NRXN1: variants seen among roughly 807,000 people sequenced by gnomAD.
The protein encoded by NRXN1 is neurexin-1.
NRXN1 carries 39 observed loss-of-function variants against 150.9 expected under a neutral mutation model. That is an observed-to-expected ratio of 0.26 (90% CI 0.20 to 0.34). NRXN1 has a LOEUF of 0.34. Ranked by LOEUF, NRXN1 falls within the 10% of genes least tolerant of loss-of-function variation. The probability of loss-of-function intolerance (pLI) is 1.00; values close to 1 mark genes in which losing one functional copy is unlikely to be tolerated. For missense variants in NRXN1, 1,815 were observed against 1,949.9 expected (o/e 0.93, Z 1.30); for synonymous variants, 924 against 757.0 (o/e 1.22, Z -3.62).
At chr2:50,042,257 T>C (rs1247471594) in intron 21 of NRXN1, among the ~76,000 whole-genome samples, 2 of 152,190 alleles carry the variant, frequency 1.3e-5, no homozygotes, top group Admixed American at 6.5e-5. Flanking sequence ...TCTTGAATTG[T>C]AGTTCCCATA....
chr2:50,711,447 T>C (rs1695142605), intron 5 of NRXN1, among the ~76,000 whole-genome samples: 1 of 151,416 alleles, frequency 6.6e-6, no homozygotes, highest in African/African-American at 2.4e-5. Flanking sequence ...GTGATTCTCC[T>C]GTCTCAGCCT....
At chr2:50,443,695 C>T (rs1202997625) in intron 17 of NRXN1, among the ~76,000 whole-genome samples, 1 of 152,144 alleles carries the variant, frequency 6.6e-6, no homozygotes, top group East Asian at 1.9e-4. Flanking sequence ...ATGATCCATG[C>T]CACTGTTTGG....
chr2:49,952,992 G>A lies in NRXN1; in HGVS notation c.4129-9201C>T, dbSNP rs907247100. On this transcript the variant is annotated intron_variant, in intron 21 of 22. Transcript: ENST00000401669. ...CAGTCTTATTGACACAATGACCTTC[G>A]AAGTGAAGGTTCAAGATCAAAGATG... Among the ~76,000 whole-genome samples, 5 of 151,940 alleles carry A rather than the reference G, an allele frequency of 3.3e-5. No homozygotes were observed. The South Asian group carries it at 8.3e-4, about 25-fold the overall frequency.
intron 8 of NRXN1, among the ~76,000 whole-genome samples, chr2:50,558,242 A>G (rs2105374471): frequency 6.6e-6 from 1 of 152,314 alleles, no homozygotes; most frequent in South Asian, 2.1e-4. Context: ...CTTTATCAAT[A>G]AATATCTGGA....
At chr2:50,795,271 T>C (rs1706649750) in intron 5 of NRXN1, among the ~76,000 whole-genome samples, 2 of 152,158 alleles carry the variant, frequency 1.3e-5, no homozygotes, top group South Asian at 2.1e-4. Flanking sequence ...TCTCATGTGA[T>C]GCTGACGCTT....
intron 17 of NRXN1, among the ~76,000 whole-genome samples, chr2:50,334,444 C>T (rs1431797533): frequency 6.6e-6 from 1 of 151,962 alleles, no homozygotes; most frequent in Admixed American, 6.6e-5. Flanking sequence ...TACCACATAC[C>T]CATCTTTCAG....
At chr2:51,002,566 A>G (rs560667854) in intron 2 of NRXN1, among the ~76,000 whole-genome samples, 1 of 152,096 alleles carries the variant, frequency 6.6e-6, no homozygotes, top group African/African-American at 2.4e-5. Flanking sequence ...CTTAGTTATG[A>G]GTCTGAAAGT....
At chr2:50,101,872 T>C (rs957688942) in intron 18 of NRXN1, among the ~76,000 whole-genome samples, 2 of 151,972 alleles carry the variant, frequency 1.3e-5, no homozygotes, top group African/African-American at 4.8e-5. Context: ...TATGTTAGTT[T>C]TCACAAGCCT....
chr2:50,613,662 G>A (rs1678552550), intron 8 of NRXN1, among the ~76,000 whole-genome samples: 2 of 152,190 alleles, frequency 1.3e-5, no homozygotes, highest in South Asian at 4.1e-4. Context: ...ATACAGGCCA[G>A]GTGTGGTGGC....
In NRXN1 at chr2:50,729,858, G is replaced by C. The variant is rs142928006; in HGVS notation, c.833-106243C>G. On this transcript the variant is annotated intron_variant, in intron 5 of 22. Transcript: ENST00000401669. ...TTCGAAAGCGAGGCTCAAAATTTCTGTTGTTCTCTGAGGCTGTGGATCCCT... is the reference window on the plus strand; with the variant it reads ...TTCGAAAGCGAGGCTCAAAATTTCTCTTGTTCTCTGAGGCTGTGGATCCCT... 3.3e-3 allele frequency among the ~76,000 whole-genome samples: 508 copies of C among 152,262 alleles called. 4 individuals carry two copies. Among genetic ancestry groups the C allele is most frequent in the Admixed American group, 5.5e-3 (84 of 15,298 alleles).
At chr2:50,047,051 T>C (rs965002225) in intron 21 of NRXN1, among the ~76,000 whole-genome samples, 1 of 152,160 alleles carries the variant, frequency 6.6e-6, no homozygotes, top group Non-Finnish European at 1.5e-5. Context: ...AAGGGAACAA[T>C]ATGACTGTAT....
intron 18 of NRXN1, among the ~76,000 whole-genome samples, chr2:50,234,154 A>G (rs1487605693): frequency 2.0e-5 from 3 of 152,088 alleles, no homozygotes; most frequent in African/African-American, 7.2e-5. Context: ...CTTAGGTAGT[A>G]AAAAGAAAAC....
chr2:50,204,392 TAGAGGA>T (rs1416898555), intron 18 of NRXN1, among the ~76,000 whole-genome samples: 10 of 150,540 alleles, frequency 6.6e-5, no homozygotes, highest in African/African-American at 2.4e-4. Context: ...ATGTAAGACA[TAGAGGA>T]AAAGACCTAA....
At chr2:50,652,439 G>C (rs76879398) in intron 5 of NRXN1, among the ~76,000 whole-genome samples, 11 of 152,132 alleles carry the variant, frequency 7.2e-5, no homozygotes, top group Non-Finnish European at 1.3e-4. Context: ...CTTTTTGTCT[G>C]TATAGGTTTG....
intron 5 of NRXN1, among the ~76,000 whole-genome samples, chr2:50,867,226 A>G (rs755303499): frequency 6.6e-6 from 1 of 151,806 alleles, no homozygotes; most frequent in Non-Finnish European, 1.5e-5. Context: ...CCCATCTCCT[A>G]TGTAGTGACA....
intron 17 of NRXN1, among the ~76,000 whole-genome samples, chr2:50,376,457 T>C (rs2080504278): frequency 6.6e-6 from 1 of 152,116 alleles, no homozygotes; most frequent in Admixed American, 6.6e-5. Flanking sequence ...CCAGGTTCTG[T>C]TCATGGATAT....
chr2:50,604,825 C>A (rs1318264883), intron 8 of NRXN1, among the ~76,000 whole-genome samples: 1 of 152,124 alleles, frequency 6.6e-6, no homozygotes, highest in South Asian at 2.1e-4. Flanking sequence ...ACCTACTATG[C>A]CCCAAATTAT....
intron 9 of NRXN1, among the ~76,000 whole-genome samples, chr2:50,539,751 G>C (rs1372266008): frequency 6.6e-6 from 1 of 152,176 alleles, no homozygotes; most frequent in African/African-American, 2.4e-5. Flanking sequence ...GAGAGAGGAT[G>C]AGAAAAGGTC....
intron 21 of NRXN1, among the ~76,000 whole-genome samples, chr2:50,009,189 G>A (rs773675899): frequency 3.9e-5 from 6 of 152,060 alleles, no homozygotes; most frequent in African/African-American, 1.4e-4. Context: ...CCATGGCTAT[G>A]GGACCTGCTA....
Sources: gnomAD v4.1 joint callset for allele counts (sites outside exome capture counted in the v4.1 genomes callset) on GRCh38, gnomAD v4.1.1 for gene constraint, MANE v1.5 for transcripts, NCBI Gene and HGNC (gene_info 2026-07-23, HGNC 2026-07-21) for gene names.